FBXW8: variants seen among roughly 807,000 people sequenced by gnomAD.
The protein encoded by FBXW8 is F-box/WD repeat-containing protein 8.
A neutral mutation model predicts 65.3 loss-of-function variants in FBXW8; 57 were observed. The ratio of observed to expected loss-of-function variants is 0.87; its 90% CI spans 0.71 to 1.09. The LOEUF (loss-of-function observed/expected upper bound fraction) is 1.09. FBXW8 is among the 50% of genes least tolerant of loss of function. The pLI, the probability that FBXW8 is intolerant of heterozygous loss-of-function variation, is 0.00. For synonymous variants in FBXW8, 308 were observed against 330.2 expected (o/e 0.93, Z 0.73); for missense variants, 777 against 814.8 (o/e 0.95, Z 0.57).
At chr12:116,971,844 C>G (rs1335796557) in intron 5 of FBXW8, among the ~76,000 whole-genome samples, 1 of 152,076 alleles carries the variant, frequency 6.6e-6, no homozygotes, top group Non-Finnish European at 1.5e-5. Context: ...CCTGCATGCC[C>G]GTATTGACCT....
At chr12:116,987,249 G>A (rs554422492) in intron 6 of FBXW8, 1 of 152,314 alleles carries the variant, frequency 6.6e-6, no homozygotes, top group Non-Finnish European at 1.5e-5. Context: ...TCTGGAGGCC[G>A]GCTTTGAACT....
intron 8 of FBXW8, among the ~76,000 whole-genome samples, chr12:117,018,421 T>G (rs1007416616): frequency 1.3e-5 from 2 of 152,264 alleles, no homozygotes; most frequent in Non-Finnish European, 2.9e-5. Context: ...CTGTGCTACC[T>G]GTTTCCCAGC....
At chr12:117,007,702 A>T (rs1953711153) in intron 7 of FBXW8, among the ~76,000 whole-genome samples, 1 of 152,216 alleles carries the variant, frequency 6.6e-6, no homozygotes, top group African/African-American at 2.4e-5. Context: ...ATAAAGAGAA[A>T]AATTAGTCTA....
At chr12:116,922,236 C>T (rs996538947) in intron 1 of FBXW8, among the ~76,000 whole-genome samples, 1 of 151,874 alleles carries the variant, frequency 6.6e-6, no homozygotes, top group Non-Finnish European at 1.5e-5. Context: ...GACCTTTTTC[C>T]CCCAGCCAAC....
chr12:116,967,761 C>T (rs1265326181), intron 5 of FBXW8, among the ~76,000 whole-genome samples: 2 of 152,020 alleles, frequency 1.3e-5, no homozygotes, highest in African/African-American at 4.8e-5. Flanking sequence ...TTCCGTAAGT[C>T]ACTTATTCTT....
intron 7 of FBXW8, among the ~76,000 whole-genome samples, chr12:117,000,889 G>C (rs1953501632): frequency 6.6e-6 from 1 of 152,216 alleles, no homozygotes. Flanking sequence ...ATTGTGATAT[G>C]GTCACAAAGT....
chr12:116,913,945 G>A (rs1463667414), intron 1 of FBXW8, among the ~76,000 whole-genome samples: 1 of 152,092 alleles, frequency 6.6e-6, no homozygotes. Context: ...TCTATGAGTA[G>A]CATACAACTT....
intron 1 of FBXW8, among the ~76,000 whole-genome samples, chr12:116,920,589 C>A (rs1367910399): frequency 6.6e-6 from 1 of 152,070 alleles, no homozygotes; most frequent in African/African-American, 2.4e-5. Context: ...CCAACAGGGT[C>A]TTTCTGGGAA....
intron 7 of FBXW8, among the ~76,000 whole-genome samples, chr12:117,004,098 C>T (rs1033374507): frequency 1.3e-5 from 2 of 152,108 alleles, no homozygotes; most frequent in Non-Finnish European, 1.5e-5. Context: ...GATTTCCCAT[C>T]TCTCTGTCTG....
At chr12:117,015,063 AC>A (rs1426643457) in intron 8 of FBXW8, among the ~76,000 whole-genome samples, 2 of 151,706 alleles carry the variant, frequency 1.3e-5, no homozygotes, top group African/African-American at 2.4e-5. Flanking sequence ...AATAACCCTC[AC>A]CCCTATTCTT....
Position 117,026,612 on chromosome 12 carries a change from C to G in FBXW8, c.1542-782C>G, listed in dbSNP as rs192623932. 9.4e-3 allele frequency among the ~76,000 whole-genome samples: 1,434 copies of G among 152,334 alleles called. 23 individuals are homozygous for G. The highest frequency in any genetic ancestry group is 0.01 in the Non-Finnish European group (691 of 68,026). ...GTCCCCTCCTGTGCACCCCTCCCAG[C>G]CCACAGCACCTCCTGCTCCTCCCAG... is the stretch of plus-strand genomic sequence containing the variant. On this transcript the variant is annotated intron_variant, in intron 9 of 10. Transcript: ENST00000652555.
At chr12:116,993,098 C>CTTTTTTTTTTT (rs71099026) in intron 7 of FBXW8, among the ~76,000 whole-genome samples, 6 of 85,404 alleles carry the variant, frequency 7.0e-5, no homozygotes, top group Non-Finnish European at 1.0e-4. Context: ...TGATTTTTGA[C>CTTTTTTTTTTT]TTTTTTTTTT....
At position 117,031,117 on chromosome 12, in the gene FBXW8, T is replaced by C. The variant is rs1954348596; in HGVS notation, c.*2945T>C. The C allele has an allele frequency of 6.6e-6, 1 of 152,224 alleles. No homozygotes were observed. The highest frequency in any genetic ancestry group is 1.5e-5 in the Non-Finnish European group (1 of 68,052). The allele number at this position is 152,224 out of a possible 1,614,324, so 9.4% of individuals were successfully genotyped here. ...CTTGCTTTCTGCTTTATGATGTCCG[T>C]AGTTGTTCTAATATTAAATGCTTTG... On this transcript the variant is annotated 3_prime_UTR_variant, in exon 11 of 11. Transcript: ENST00000652555.
chr12:116,914,505 C>T (rs1000740933), intron 1 of FBXW8, among the ~76,000 whole-genome samples: 1 of 138,464 alleles, frequency 7.2e-6, no homozygotes, highest in Admixed American at 8.2e-5. Context: ...GCCAGGAGGT[C>T]GAGGATGCAG....
chr12:116,922,714 G>A (rs936201085), intron 1 of FBXW8, among the ~76,000 whole-genome samples: 3 of 152,092 alleles, frequency 2.0e-5, no homozygotes, highest in Non-Finnish European at 4.4e-5. Flanking sequence ...ATTTCTCTCA[G>A]TGTTTTTGGA....
At chr12:116,978,473 C>G (rs1885099902) in intron 5 of FBXW8, 1 of 152,190 alleles carries the variant, frequency 6.6e-6, no homozygotes, top group African/African-American at 2.4e-5. Flanking sequence ...TGATTAATTT[C>G]TGATAGGCAA....
intron 8 of FBXW8, among the ~76,000 whole-genome samples, chr12:117,022,527 T>TAGTCCCA (rs1211297080): frequency 7.9e-5 from 12 of 152,054 alleles, no homozygotes; most frequent in South Asian, 2.1e-4. Flanking sequence ...TGGTAGCACG[T>TAGTCCCA]GCTTGTAGTC....
chr12:116,942,793 T>C (rs987820857), intron 2 of FBXW8, among the ~76,000 whole-genome samples: 7 of 145,784 alleles, frequency 4.8e-5, no homozygotes, highest in Non-Finnish European at 9.0e-5. Flanking sequence ...TTTTTTTTTT[T>C]TTGAGACGGG....
chr12:117,013,314 T>G (rs1953870181), intron 8 of FBXW8, among the ~76,000 whole-genome samples: 1 of 152,082 alleles, frequency 6.6e-6, no homozygotes, highest in Non-Finnish European at 1.5e-5. Context: ...GGGTGGAAAC[T>G]GAGTTAATGT....
Sources: gnomAD v4.1 joint callset for allele counts (sites outside exome capture counted in the v4.1 genomes callset) on GRCh38, gnomAD v4.1.1 for gene constraint, MANE v1.5 for transcripts, NCBI Gene and HGNC (gene_info 2026-07-23, HGNC 2026-07-21) for gene names.